The following PLEKHG1 variants were observed in gnomAD, a reference collection of about 807,000 sequenced individuals.
PLEKHG1 encodes the protein pleckstrin homology and RhoGEF domain containing G1, also known as pleckstrin homology domain-containing family G member 1.
PLEKHG1 carries 44 observed loss-of-function variants against 100.8 expected under a neutral mutation model. That is an observed-to-expected ratio of 0.44 (90% CI 0.34 to 0.56). The LOEUF is 0.56. PLEKHG1 is among the 20% of genes least tolerant of loss of function. The pLI, the probability that PLEKHG1 is intolerant of heterozygous loss-of-function variation, is 0.01. For synonymous variants in PLEKHG1, 640 were observed against 662.5 expected, an observed-to-expected ratio of 0.97 and a Z score of 0.52; for missense variants, 1,545 against 1,720.9, an observed-to-expected ratio of 0.90 and a Z score of 1.81.
rs1472751038 is a variant in PLEKHG1, at chr6:150,730,796, G to A, written c.-98-2788G>A. Among the ~76,000 whole-genome samples, 3 of 152,048 alleles carry A rather than the reference G, an allele frequency of 2.0e-5. No homozygotes were observed. In the South Asian group the frequency reaches 6.2e-4, roughly 32 times the overall value. On this transcript the variant is annotated intron_variant, in intron 1 of 15. Coordinates refer to ENST00000358517, the Ensembl canonical transcript of PLEKHG1. ...CACATGCCTATAATCCCAGCTACTA[G>A]GTAGGCTGAGGCAGGAGATCGCTTG...
intron 3 of PLEKHG1, among the ~76,000 whole-genome samples, chr6:150,693,219 C>T (rs553039318): frequency 5.9e-5 from 9 of 152,098 alleles, no homozygotes; most frequent in East Asian, 1.9e-4. Flanking sequence ...ACCTGGGAGG[C>T]GGAGGTTGCA....
At chr6:150,760,322 GCCTGGGA>G (rs1326677905) in intron 2 of PLEKHG1, among the ~76,000 whole-genome samples, 2 of 152,066 alleles carry the variant, frequency 1.3e-5, no homozygotes, top group Non-Finnish European at 2.9e-5. Flanking sequence ...TCCTTACCTG[GCCTGGGA>G]CCTGGAGAGT....
intron 3 of PLEKHG1, among the ~76,000 whole-genome samples, chr6:150,689,385 ACT>A (rs1721692725): frequency 6.6e-6 from 1 of 151,880 alleles, no homozygotes; most frequent in Admixed American, 6.6e-5. Flanking sequence ...GTGTGAAGAG[ACT>A]CTTAGGAAGG....
chr6:150,772,893 T>C (rs1784778201), intron 3 of PLEKHG1, among the ~76,000 whole-genome samples: 2 of 152,238 alleles, frequency 1.3e-5, no homozygotes, highest in African/African-American at 4.8e-5. Flanking sequence ...TATTGTTGTA[T>C]AGGAGTTCTT....
chr6:150,669,593 C>CTTTTT (rs1214928577), intron 3 of PLEKHG1, among the ~76,000 whole-genome samples: 4 of 127,610 alleles, frequency 3.1e-5, no homozygotes, highest in Admixed American at 8.0e-5. Context: ...AAGAATTATT[C>CTTTTT]TTTTTTTTTT....
chr6:150,715,475 A>G (rs968059554), intron 3 of PLEKHG1, among the ~76,000 whole-genome samples: 8 of 145,182 alleles, frequency 5.5e-5, no homozygotes, highest in African/African-American at 1.8e-4. Context: ...GTTCATCACT[A>G]TTTTTTTTCT....
In PLEKHG1 at chr6:150,668,932, A is replaced by G. The variant is rs139242868; in HGVS notation, c.-99+18146A>G. Among the ~76,000 whole-genome samples the G allele has an allele frequency of 3.1e-3, 469 of 152,312 alleles. 5 individuals are homozygous for G. Among genetic ancestry groups the G allele is most frequent in the African/African-American group, 0.011 (439 of 41,572 alleles). ...AAATGGCAGCTGAATTATTGTGAGC[A>G]ATGTAGCTCAAGTATCTGGCCGTCA... On this transcript the variant is annotated intron_variant, in intron 3 of 3. Transcript: ENST00000367326.
intron 3 of PLEKHG1, among the ~76,000 whole-genome samples, chr6:150,685,129 C>T (rs1440375664): frequency 6.6e-6 from 1 of 152,044 alleles, no homozygotes; most frequent in Non-Finnish European, 1.5e-5. Flanking sequence ...GACACTGGGC[C>T]GTTCTTCAAG....
chr6:150,706,998 C>CTTTTTTTTTTTTTTTTTTTTTT (rs71014517), intron 3 of PLEKHG1, among the ~76,000 whole-genome samples: 7 of 51,924 alleles, frequency 1.3e-4, no homozygotes, highest in East Asian at 6.7e-4. Context: ...TTTTCTTTTT[C>CTTTTTTTTTTTTTTTTTTTTTT]TTTTTTTTTT....
At chr6:150,672,338 G>C (rs1779612793) in intron 3 of PLEKHG1, among the ~76,000 whole-genome samples, 1 of 152,148 alleles carries the variant, frequency 6.6e-6, no homozygotes, top group East Asian at 1.9e-4. Flanking sequence ...GAGGTGCTTG[G>C]AAGTCCAGTG....
Position 150,831,677 on chromosome 6 carries a change from C to G in PLEKHG1, c.2566C>G (p.Arg856Gly). ...GAAAAATGAAGACAAGGCCAGAGAC[C>G]GTCTCCTGGCAGCGTTTCCTGTGAG... The change falls in exon 15 of 16, where the codon CGT becomes GGT. Residue 856 changes from arginine to glycine, a missense_variant. Coordinates refer to ENST00000358517, the Ensembl canonical transcript of PLEKHG1. This position sits in a 1 kb window ranked among gnomAD's most constrained non-coding sequence, Gnocchi z 4.1. The G allele has an allele frequency of 6.2e-7, 1 of 1,612,862 alleles. No homozygotes were observed.
At chr6:150,702,199 C>T (rs1001976622) in intron 3 of PLEKHG1, among the ~76,000 whole-genome samples, 18 of 152,214 alleles carry the variant, frequency 1.2e-4, no homozygotes, top group African/African-American at 3.6e-4. Context: ...AGGCTGGGCG[C>T]AGTGGCTCAT....
intron 3 of PLEKHG1, among the ~76,000 whole-genome samples, chr6:150,713,800 C>T (rs535687107): frequency 1.1e-4 from 17 of 152,216 alleles, no homozygotes; most frequent in South Asian, 2.1e-4. Context: ...CTCCTTCATT[C>T]CATTGCAGCT....
At chr6:150,818,781 G>T (rs1028415819) in intron 11 of PLEKHG1, among the ~76,000 whole-genome samples, 5 of 152,158 alleles carry the variant, frequency 3.3e-5, no homozygotes, top group African/African-American at 1.2e-4. Flanking sequence ...AGATTAAATA[G>T]AATAAAAAGA....
intron 6 of PLEKHG1, among the ~76,000 whole-genome samples, chr6:150,804,093 C>T (rs1313324219): frequency 7.4e-6 from 1 of 135,726 alleles, no homozygotes; most frequent in Non-Finnish European, 1.5e-5. Context: ...CTTGTCTTAC[C>T]ATTTTGTTGC....
rs78082907 is a variant in PLEKHG1 at position 150,631,420 on chromosome 6, G to A, written c.-203-6660G>A. 2.0e-5 allele frequency among the ~76,000 whole-genome samples: 3 copies of A among 152,166 alleles called. No individual in the cohort carries two copies. The South Asian group carries it at 6.2e-4, about 32-fold the overall frequency. On this transcript the variant is annotated intron_variant, in intron 1 of 3. Transcript: ENST00000367326. ...CAATGGGTGCTGCTGTCCTTTGGGG[G>A]ACACCCCATCCCCTACACACAGGGA...
intron 3 of PLEKHG1, among the ~76,000 whole-genome samples, chr6:150,673,317 A>G (rs1395678716): frequency 4.6e-5 from 7 of 152,224 alleles, no homozygotes; most frequent in South Asian, 2.1e-4. Flanking sequence ...GTTACTTTCA[A>G]ATATTCTGTG....
intron 15 of PLEKHG1, 146 bp downstream of exon 16, chr6:150,832,351 A>G: frequency 1.5e-6 from 1 of 664,144 alleles, no homozygotes; most frequent in Non-Finnish European, 2.5e-6. Flanking sequence ...ACAAAGCCAT[A>G]CTGGCCTTTC....
intron 3 of PLEKHG1, among the ~76,000 whole-genome samples, chr6:150,684,814 C>T (rs1235890720): frequency 6.6e-6 from 1 of 151,982 alleles, no homozygotes; most frequent in African/African-American, 2.4e-5. Context: ...GGGGAAATGA[C>T]TTCATGGGCT....
Sources: allele counts gnomAD v4.1 joint callset (sites outside exome capture counted in the v4.1 genomes callset), GRCh38; gene constraint gnomAD v4.1.1; non-coding constraint Gnocchi (gnomAD v3.1); transcripts MANE v1.5; gene names NCBI Gene and HGNC (gene_info 2026-07-23, HGNC 2026-07-21).